Variants in TTI1 observed in about 807,000 individuals in gnomAD.
TTI1 encodes the protein TELO2 interacting protein 1.
Under a neutral mutation model 85.4 loss-of-function variants are expected in TTI1, and 52 were observed. That is an observed-to-expected ratio of 0.61 (90% CI 0.49 to 0.77). TTI1 has a LOEUF of 0.77. TTI1 is among the 30% of genes least tolerant of loss of function. The pLI is 0.00. For synonymous variants in TTI1, 512 were observed against 503.9 expected, an observed-to-expected ratio of 1.02 and a Z score of -0.22; for missense variants, 1,173 against 1,296.0, an observed-to-expected ratio of 0.91 and a Z score of 1.46.
chr20:38,001,722 CTCTT>C (rs957865777), intron 4 of TTI1, among the ~76,000 whole-genome samples: 2 of 151,922 alleles, frequency 1.3e-5, no homozygotes, highest in African/African-American at 4.8e-5. Flanking sequence ...GTGTTTCTCT[CTCTT>C]TTTTTTTTTG....
At position 38,013,097 on chromosome 20, in the gene TTI1, G is replaced by C; in HGVS notation, c.720C>G (p.Tyr240Ter). ...CAGCCATAATGAAGCTCACTGTCTT[G>C]TAAAAGATCTTTAGGGAAGATACGA... ...SIVVSSLKIF[Y>*]KTVSFIMADE... is the part of the protein sequence containing the mutation. The change falls in exon 2 of 8, where the codon TAC becomes TAG. Residue 240 changes from tyrosine to a stop codon, truncating the protein, a stop_gained. Coordinates refer to ENST00000373447, the MANE Select transcript of TTI1 (RefSeq NM_001303457.2). LOFTEE classifies it high-confidence loss of function. 6.2e-7 allele frequency: 1 copy of C among 1,614,162 alleles called. No individual in the cohort carries two copies. The highest frequency in any genetic ancestry group is 8.5e-7 in the Non-Finnish European group (1 of 1,180,038).
chr20:38,025,541 CCT>C (rs2073825806), intron 1 of TTI1, among the ~76,000 whole-genome samples: 1 of 151,480 alleles, frequency 6.6e-6, no homozygotes, highest in South Asian at 2.1e-4. Flanking sequence ...GGCACTCCAG[CCT>C]GGGCAACAAG....
At position 38,013,647 on chromosome 20, in the gene TTI1, C is replaced by A. The variant is rs780521226; in HGVS notation, c.170G>T (p.Arg57Leu). The A allele has an allele frequency of 3.7e-6, 6 of 1,614,190 alleles. No individual in the cohort carries two copies. Among genetic ancestry groups the A allele is most frequent in the East Asian group, 4.5e-5 (2 of 44,882 alleles). ...ELQQYILFPL[R>L]FTLKTPGPKR... Reference sequence around the variant, plus strand: ...GGGACCTGGGGTCTTCAGGGTAAATCGCAGAGGGAAGAGGATGTACTGCTG... The same window carrying A: ...GGGACCTGGGGTCTTCAGGGTAAATAGCAGAGGGAAGAGGATGTACTGCTG... The change falls in exon 2 of 8, where the codon CGA becomes CTA. Residue 57 changes from arginine (R) to leucine (L), a missense_variant. By Grantham distance (102) the Arg-to-Leu change is moderately radical. Transcript: ENST00000373447.
At chr20:37,995,436 G>C (rs111492140) in intron 7 of TTI1, among the ~76,000 whole-genome samples, 269 of 152,360 alleles carry the variant, frequency 1.8e-3, no homozygotes, top group African/African-American at 6.1e-3. Context: ...CACTGAAGAG[G>C]ATCAGAGATG....
intron 7 of TTI1, among the ~76,000 whole-genome samples, chr20:37,986,197 G>C (rs149606282): frequency 1.3e-3 from 197 of 152,254 alleles, no homozygotes; most frequent in African/African-American, 4.4e-3. Flanking sequence ...GCTACAGCGT[G>C]GTGCTCTCCC....
rs114715099 is a variant in TTI1 at position 38,031,133 on chromosome 20, G to A, written c.-42+2271C>T. 9.3e-3 allele frequency among the ~76,000 whole-genome samples: 1,411 copies of A among 152,248 alleles called. 24 individuals carry two copies. Among genetic ancestry groups the A allele is most frequent in the African/African-American group, 0.033 (1,355 of 41,520 alleles). On this transcript the variant is annotated intron_variant, in intron 1 of 7. Transcript: ENST00000373447. ...TTTCACCTGGGTTACTACAACAGCT[G>A]CCAAACTGGTCCTTCCTGCTTCTAC...
chr20:37,993,894 AGGACTGGAAGTG>A (rs990994727), intron 7 of TTI1, among the ~76,000 whole-genome samples: 2 of 152,214 alleles, frequency 1.3e-5, no homozygotes, highest in Non-Finnish European at 2.9e-5. Context: ...CTAGAGGGGC[AGGACTGGAAGTG>A]GGACCAGTGG....
intron 1 of TTI1, among the ~76,000 whole-genome samples, chr20:38,031,639 G>A (rs1245813574): frequency 6.6e-6 from 1 of 152,206 alleles, no homozygotes; most frequent in Admixed American, 6.5e-5. Flanking sequence ...TCCTGAGAAC[G>A]TGGATTTTGT....
At chr20:38,025,877 A>G (rs914518409) in intron 1 of TTI1, among the ~76,000 whole-genome samples, 3 of 152,192 alleles carry the variant, frequency 2.0e-5, no homozygotes, top group Admixed American at 6.5e-5. Context: ...AGATGGAACA[A>G]TAGGAATTAC....
chr20:38,023,327 T>G (rs1170243439), intron 1 of TTI1, among the ~76,000 whole-genome samples: 1 of 152,196 alleles, frequency 6.6e-6, no homozygotes, highest in African/African-American at 2.4e-5. Context: ...GGAGGAACAA[T>G]TTAACTACAG....
chr20:37,986,685 GGA>G (rs2073194590), intron 7 of TTI1, among the ~76,000 whole-genome samples: 1 of 152,208 alleles, frequency 6.6e-6, no homozygotes, highest in Admixed American at 6.5e-5. Context: ...GAGGCTCTGA[GGA>G]GAGGAGGTGC....
At chr20:38,006,616 C>T (rs560970983) in intron 2 of TTI1, among the ~76,000 whole-genome samples, 1 of 152,354 alleles carries the variant, frequency 6.6e-6, no homozygotes, top group East Asian at 1.9e-4. Flanking sequence ...AGGCCGTTCT[C>T]TGTGTCTGGA....
intron 7 of TTI1, among the ~76,000 whole-genome samples, chr20:37,986,064 C>T (rs1263307739): frequency 6.6e-6 from 1 of 152,064 alleles, no homozygotes; most frequent in Non-Finnish European, 1.5e-5. Flanking sequence ...GCACCAAAAG[C>T]GGGGAGCAGA....
At chr20:38,006,696 G>A (rs1185102433) in intron 2 of TTI1, among the ~76,000 whole-genome samples, 3 of 152,162 alleles carry the variant, frequency 2.0e-5, no homozygotes, top group African/African-American at 7.2e-5. Context: ...CATAGAACTT[G>A]CCCGATAAGG....
At chr20:37,993,869 C>T (rs2073300536) in intron 7 of TTI1, among the ~76,000 whole-genome samples, 1 of 152,226 alleles carries the variant, frequency 6.6e-6, no homozygotes, top group African/African-American at 2.4e-5. Flanking sequence ...ACTCTGACTG[C>T]AGTATGGAGA....
Position 38,011,809 on chromosome 20 carries a change from C to T in TTI1, c.2008G>A (p.Val670Met). The change falls in exon 2 of 8, where the codon GTG becomes ATG. Residue 670 changes from valine (V) to methionine (M), a missense_variant. Coordinates refer to ENST00000373447, the MANE Select transcript of TTI1 (RefSeq NM_001303457.2). Reference protein sequence around the residue: ...AGDQTLLISQVATSTMMDVCR... With the variant: ...AGDQTLLISQMATSTMMDVCR... Reference sequence around the variant, plus strand: ...ACGTCCATCATGGTGCTGGTAGCCACCTGACTAATGAGTAGGGTTTGGTCT... The same window carrying T: ...ACGTCCATCATGGTGCTGGTAGCCATCTGACTAATGAGTAGGGTTTGGTCT... The T allele has an allele frequency of 5.0e-6, 8 of 1,614,190 alleles. No individual in the cohort carries two copies. Among genetic ancestry groups the T allele is most frequent in the South Asian group, 1.1e-5 (1 of 91,082 alleles).
At position 37,998,075 on chromosome 20, in the gene TTI1, G is replaced by A. The variant is rs192632100; in HGVS notation, c.2793+1113C>T. ...CTCCTGAGTAGCTGGGATTATAGGC[G>A]CCTGCCACTGCGCCCAGGTAATTTT... On this transcript the variant is annotated intron_variant, in intron 5 of 7. Coordinates refer to ENST00000373447, the MANE Select transcript of TTI1 (RefSeq NM_001303457.2). Among the ~76,000 whole-genome samples, 1,215 of 152,136 alleles carry A rather than the reference G, an allele frequency of 8.0e-3. 6 individuals are homozygous for A. Among genetic ancestry groups the A allele is most frequent in the African/African-American group, 0.023 (949 of 41,528 alleles).
rs1194775137 is a variant in TTI1, at chr20:38,012,249, G to C, written c.1568C>G (p.Ala523Gly). 3.7e-6 allele frequency: 6 copies of C among 1,614,066 alleles called. No homozygotes were observed. The highest frequency in any genetic ancestry group is 2.7e-5 in the African/African-American group (2 of 74,910). The change falls in exon 2 of 8, where the codon GCC becomes GGC. Residue 523 changes from alanine (A) to glycine (G), a missense_variant. Coordinates refer to ENST00000373447, the MANE Select transcript of TTI1 (RefSeq NM_001303457.2). ...HQSVVYRKQAAMILNELVTGA... is the reference protein window; with the variant it reads ...HQSVVYRKQAGMILNELVTGA... Reference sequence around the variant, plus strand: ...TGTAACCAGTTCATTAAGGATCATGGCAGCTTGCTTCCGGTAAACCACAGA... The same window carrying C: ...TGTAACCAGTTCATTAAGGATCATGCCAGCTTGCTTCCGGTAAACCACAGA...
intron 1 of TTI1, among the ~76,000 whole-genome samples, chr20:38,031,368 C>T (rs1349111323): frequency 6.6e-6 from 1 of 152,224 alleles, no homozygotes; most frequent in East Asian, 1.9e-4. Context: ...TTATTGTCCT[C>T]TCTGCTGTTG....
Sources: allele counts gnomAD v4.1 joint callset (sites outside exome capture counted in the v4.1 genomes callset), GRCh38; gene constraint gnomAD v4.1.1; transcripts MANE v1.5; gene names NCBI Gene and HGNC (gene_info 2026-07-23, HGNC 2026-07-21).